SAMD12: variants seen among roughly 807,000 people sequenced by gnomAD.
SAMD12 encodes the protein sterile alpha motif domain-containing protein 12.
In SAMD12, 9 loss-of-function variants were observed where a neutral mutation model predicts 15.0. The ratio of observed to expected loss-of-function variants is 0.60; its 90% CI spans 0.36 to 1.05. The LOEUF (loss-of-function observed/expected upper bound fraction) is 1.05. Among genes scored for constraint, SAMD12 ranks in the 50% least tolerant of loss-of-function variants. The pLI is 0.01. For missense variants in SAMD12, 230 were observed against 234.2 expected, an observed-to-expected ratio of 0.98 and a Z score of 0.12; for synonymous variants, 86 against 90.1, an observed-to-expected ratio of 0.96 and a Z score of 0.25.
At chr8:118,297,676 G>C (rs1385283664) in intron 4 of SAMD12, among the ~76,000 whole-genome samples, 1 of 152,134 alleles carries the variant, frequency 6.6e-6, no homozygotes, top group East Asian at 1.9e-4. Flanking sequence ...TGAGGGAAGA[G>C]ATTTGTAAAT....
chr8:118,293,496 AC>A (rs1814531043), intron 4 of SAMD12, among the ~76,000 whole-genome samples: 1 of 152,252 alleles, frequency 6.6e-6, no homozygotes, highest in African/African-American at 2.4e-5. Flanking sequence ...GAAAACAGAA[AC>A]ATACAGAAGT....
intron 3 of SAMD12, among the ~76,000 whole-genome samples, chr8:118,432,584 C>T (rs184244531): frequency 3.2e-3 from 486 of 152,290 alleles, no homozygotes; most frequent in African/African-American, 0.011. Context: ...CAACTACCAA[C>T]TTACTGTGAT....
intron 4 of SAMD12, among the ~76,000 whole-genome samples, chr8:118,267,676 A>G (rs1813237403): frequency 6.6e-6 from 1 of 151,762 alleles, no homozygotes; most frequent in Admixed American, 6.6e-5. Context: ...ATTATGCTAT[A>G]CAGTTTGCCA....
chr8:118,554,776 G>T (rs190744986), intron 2 of SAMD12, among the ~76,000 whole-genome samples: 1 of 151,884 alleles, frequency 6.6e-6, no homozygotes, highest in African/African-American at 2.4e-5. Context: ...TCAGTTGAAG[G>T]CCTCAAAAGC....
In SAMD12 at chr8:118,541,281, T is replaced by C. The variant is rs1008208132; in HGVS notation, c.192+39434A>G. 2.0e-5 allele frequency among the ~76,000 whole-genome samples: 3 copies of C among 152,198 alleles called. No individual in the cohort carries two copies. In the South Asian group the frequency reaches 6.2e-4, roughly 32 times the overall value. ...AGAGAAGAGCAGAGATTTCAATCCATGCCTTTCTGGCTCTAAGCCTTACCC... is the reference window on the plus strand; with the variant it reads ...AGAGAAGAGCAGAGATTTCAATCCACGCCTTTCTGGCTCTAAGCCTTACCC... On this transcript the variant is annotated intron_variant, in intron 2 of 3. Coordinates refer to ENST00000314727, the MANE Select transcript of SAMD12 (RefSeq NM_207506.3).
intron 4 of SAMD12, among the ~76,000 whole-genome samples, chr8:118,327,076 T>C (rs1382588616): frequency 6.6e-6 from 1 of 152,240 alleles, no homozygotes; most frequent in Non-Finnish European, 1.5e-5. Context: ...TTCAAAAAGA[T>C]GGACTCAGTG....
At chr8:118,337,194 A>G (rs1273255443) in intron 4 of SAMD12, among the ~76,000 whole-genome samples, 5 of 152,136 alleles carry the variant, frequency 3.3e-5, no homozygotes, top group Admixed American at 2.0e-4. Flanking sequence ...AGAGAAATAA[A>G]AAAAAAAGAG....
chr8:118,481,651 G>A (rs184930965), intron 2 of SAMD12, among the ~76,000 whole-genome samples: 1 of 152,140 alleles, frequency 6.6e-6, no homozygotes, highest in East Asian at 1.9e-4. Context: ...ATGGTCTGGG[G>A]ACACAGGAGG....
At chr8:118,554,007 G>A (rs1215703982) in intron 2 of SAMD12, among the ~76,000 whole-genome samples, 1 of 152,112 alleles carries the variant, frequency 6.6e-6, no homozygotes, top group East Asian at 1.9e-4. Flanking sequence ...CAGTTAGAAT[G>A]GCAATCATTA....
At chr8:118,484,844 C>G (rs1824233151) in intron 2 of SAMD12, among the ~76,000 whole-genome samples, 1 of 152,176 alleles carries the variant, frequency 6.6e-6, no homozygotes, top group Non-Finnish European at 1.5e-5. Context: ...AAATGTCACA[C>G]TCTTCTTTCT....
At chr8:118,617,700 TA>T (rs907618440) in intron 1 of SAMD12, among the ~76,000 whole-genome samples, 5 of 149,402 alleles carry the variant, frequency 3.3e-5, no homozygotes, top group South Asian at 2.1e-4. Context: ...GGATGAGGGG[TA>T]AAAAAAAAAT....
At position 118,238,064 on chromosome 8, in the gene SAMD12, G is replaced by T. The variant is rs541996079; in HGVS notation, c.434-40332C>A. On this transcript the variant is annotated intron_variant, in intron 4 of 4. Coordinates refer to the SAMD12 transcript ENST00000409003. ...AAAAGAACTTCAGAATATTAAGTAG[G>T]AAAGCACAAGAGCTCTCTAAAGAGA... Among the ~76,000 whole-genome samples the T allele has an allele frequency of 3.9e-4, 59 of 152,158 alleles. 2 individuals are homozygous for T. The South Asian group carries it at 0.012, about 32-fold the overall frequency.
intron 4 of SAMD12, among the ~76,000 whole-genome samples, chr8:118,283,969 G>C (rs1813792918): frequency 6.6e-6 from 1 of 152,152 alleles, no homozygotes; most frequent in African/African-American, 2.4e-5. Context: ...TGGCACCCTA[G>C]AATAAACTGT....
At chr8:118,373,572 C>A (rs533796723), downstream of SAMD12, among the ~76,000 whole-genome samples, 34 of 152,246 alleles carry the variant, frequency 2.2e-4, no homozygotes, top group African/African-American at 8.2e-4. Context: ...TTATGCAATT[C>A]CCAAGTAAAA....
chr8:118,371,597 C>A (rs565279381), intron 4 of SAMD12, among the ~76,000 whole-genome samples: 1 of 152,050 alleles, frequency 6.6e-6, no homozygotes. Context: ...AGAACCAACA[C>A]AGGAGGAAGA....
intron 4 of SAMD12, among the ~76,000 whole-genome samples, chr8:118,205,088 C>T (rs1266193954): frequency 6.6e-6 from 1 of 152,176 alleles, no homozygotes; most frequent in East Asian, 1.9e-4. Context: ...TTCAATCCAT[C>T]GAAGGCCTAA....
chr8:118,521,143 T>C (rs1825377817), intron 2 of SAMD12, among the ~76,000 whole-genome samples: 1 of 152,200 alleles, frequency 6.6e-6, no homozygotes, highest in South Asian at 2.1e-4. Context: ...GATCTAAAAA[T>C]TGTAGTGTTT....
the SAMD12 span, among the ~76,000 whole-genome samples, chr8:118,152,232 A>G: frequency 2.0e-5 from 3 of 152,178 alleles, no homozygotes; most frequent in African/African-American, 7.2e-5. Context: ...TGTCTTCAAG[A>G]GTTTAAAGTT....
intron 2 of SAMD12, among the ~76,000 whole-genome samples, chr8:118,440,699 C>CACACACAA (rs1554664021): frequency 2.3e-5 from 3 of 131,112 alleles, no homozygotes; most frequent in Non-Finnish European, 3.3e-5. Flanking sequence ...CACACACAAA[C>CACACACAA]ACACACACAC....
Sources: gnomAD v4.1 joint callset for allele counts (sites outside exome capture counted in the v4.1 genomes callset) on GRCh38, gnomAD v4.1.1 for gene constraint, MANE v1.5 for transcripts, NCBI Gene and HGNC (gene_info 2026-07-23, HGNC 2026-07-21) for gene names.